ETV6: variants seen among roughly 807,000 people sequenced by gnomAD.
The protein encoded by ETV6 is transcription factor ETV6.
ETV6 carries 16 observed loss-of-function variants against 51.1 expected under a neutral mutation model. The observed-to-expected ratio is 0.31, with a 90% CI of 0.21 to 0.48. The LOEUF (loss-of-function observed/expected upper bound fraction) is 0.48, where lower values mean the gene tolerates loss of function less well. Among genes scored for constraint, ETV6 ranks in the 20% least tolerant of loss-of-function variants. ETV6 has a pLI of 0.99. For synonymous variants in ETV6, 240 were observed against 224.1 expected (o/e 1.07, Z -0.64); for missense variants, 458 against 594.8 (o/e 0.77, Z 2.39).
chr12:11,887,531 C>T (rs1002528588), intron 7 of ETV6, among the ~76,000 whole-genome samples: 7 of 152,154 alleles, frequency 4.6e-5, no homozygotes, highest in East Asian at 3.9e-4. Flanking sequence ...GGGCAGATCA[C>T]GAGGTCAAGA....
At chr12:11,728,283 G>A (rs1158067911) in intron 1 of ETV6, among the ~76,000 whole-genome samples, 1 of 152,174 alleles carries the variant, frequency 6.6e-6, no homozygotes, top group African/African-American at 2.4e-5. Context: ...CCTCCTGTAA[G>A]AACAGTTTAT....
chr12:11,752,749 T>A, intron 2 of ETV6, 170 bp downstream of exon 2: 1 of 701,642 alleles, frequency 1.4e-6, no homozygotes, highest in South Asian at 2.9e-5. Context: ...CTTTGAAAAA[T>A]TTGAGGTTCC....
intron 1 of ETV6, among the ~76,000 whole-genome samples, chr12:11,739,057 G>A (rs915062216): frequency 6.6e-6 from 1 of 152,060 alleles, no homozygotes; most frequent in African/African-American, 2.4e-5. Context: ...AGGGAAATTT[G>A]TTAGGTAATT....
intron 2 of ETV6, among the ~76,000 whole-genome samples, chr12:11,835,252 T>G (rs1946300073): frequency 1.3e-5 from 2 of 152,232 alleles, no homozygotes. Context: ...TCTCTGAAAC[T>G]AATTGGCATT....
chr12:11,654,637 A>C lies in ETV6; in HGVS notation c.33+4477A>C, dbSNP rs558757681. On this transcript the variant is annotated intron_variant, in intron 1 of 7. Coordinates refer to ENST00000396373, the MANE Select transcript of ETV6 (RefSeq NM_001987.5). ...CCACTGGGGTCTGGTCAGGTGTGAG[A>C]AGAGGAAGTAGTAGGAGGGAGGAGA... Among the ~76,000 whole-genome samples, 9 of 152,126 alleles carry C rather than the reference A, an allele frequency of 5.9e-5. 1 individual carries two copies. Among genetic ancestry groups the C allele is most frequent in the African/African-American group, 2.2e-4 (9 of 41,486 alleles).
intron 4 of ETV6, among the ~76,000 whole-genome samples, chr12:11,864,238 C>G (rs1358092884): frequency 6.6e-6 from 1 of 152,214 alleles, no homozygotes; most frequent in Non-Finnish European, 1.5e-5. Flanking sequence ...CTTCCTAAGG[C>G]CTGCCCTGAG....
intron 5 of ETV6, among the ~76,000 whole-genome samples, chr12:11,871,697 C>T (rs965894219): frequency 6.6e-6 from 1 of 152,138 alleles, no homozygotes; most frequent in Non-Finnish European, 1.5e-5. Context: ...CCATTCAAAA[C>T]GATCCTGCAG....
chr12:11,799,678 T>C (rs1319714729), intron 2 of ETV6, among the ~76,000 whole-genome samples: 1 of 152,224 alleles, frequency 6.6e-6, no homozygotes, highest in East Asian at 1.9e-4. Context: ...AATGAAGTCC[T>C]CGTTAATACC....
At position 11,759,161 on chromosome 12, in the gene ETV6, C is replaced by CTT. The variant is rs5796461; in HGVS notation, c.163+6592_163+6593dup. 2.8e-3 allele frequency among the ~76,000 whole-genome samples: 410 copies of CTT among 148,866 alleles called. 1 individual carries two copies. The highest frequency in any genetic ancestry group is 8.3e-3 in the African/African-American group (338 of 40,538). On this transcript the variant is annotated intron_variant, in intron 2 of 7. Coordinates refer to ENST00000396373, the MANE Select transcript of ETV6 (RefSeq NM_001987.5). ...AATAAATGCAGCTATTTATAGATGT[C>CTT]TTTTTTTTTTTAAGAAAAAAAATAT...
chr12:11,657,583 C>A (rs532231810), intron 1 of ETV6, among the ~76,000 whole-genome samples: 2 of 152,182 alleles, frequency 1.3e-5, no homozygotes, highest in Non-Finnish European at 2.9e-5. Context: ...AAAAGTACTC[C>A]CCCATGAAGA....
intron 1 of ETV6, among the ~76,000 whole-genome samples, chr12:11,679,845 G>T (rs1197825538): frequency 6.6e-6 from 1 of 152,096 alleles, no homozygotes; most frequent in Non-Finnish European, 1.5e-5. Flanking sequence ...ATTTCTGTAG[G>T]CATCCATCAG....
At chr12:11,857,374 A>C (rs1483215918) in intron 4 of ETV6, among the ~76,000 whole-genome samples, 1 of 152,182 alleles carries the variant, frequency 6.6e-6, no homozygotes, top group East Asian at 1.9e-4. Flanking sequence ...CATCATGCTA[A>C]TTCAAACTCT....
intron 1 of ETV6, chr12:11,751,698 G>A: frequency 2.7e-6 from 1 of 374,456 alleles, no homozygotes; most frequent in South Asian, 2.0e-5. Context: ...ACTTGATAAG[G>A]GGTCAAACAG....
chr12:11,665,629 C>T (rs150647876), intron 1 of ETV6, among the ~76,000 whole-genome samples: 25 of 152,288 alleles, frequency 1.6e-4, no homozygotes, highest in East Asian at 1.5e-3. Flanking sequence ...GCTTCTGTTA[C>T]GGACTTAATT....
intron 1 of ETV6, among the ~76,000 whole-genome samples, chr12:11,699,304 C>A (rs1382947728): frequency 6.6e-6 from 1 of 152,132 alleles, no homozygotes; most frequent in Non-Finnish European, 1.5e-5. Flanking sequence ...AACATGCAAA[C>A]TCTTCAAAAT....
intron 7 of ETV6, among the ~76,000 whole-genome samples, chr12:11,888,388 CT>C (rs1205975389): frequency 2.1e-5 from 1 of 47,366 alleles, no homozygotes; most frequent in African/African-American, 6.7e-5. Context: ...TTTTTCTTTT[CT>C]TTTCTTTTCT....
At chr12:11,824,577 G>A (rs1225952659) in intron 2 of ETV6, among the ~76,000 whole-genome samples, 3 of 152,160 alleles carry the variant, frequency 2.0e-5, no homozygotes, top group Non-Finnish European at 2.9e-5. Flanking sequence ...TCAGGAGTTC[G>A]AGACCAGCCT....
At chr12:11,859,000 G>A (rs1946671989) in intron 4 of ETV6, among the ~76,000 whole-genome samples, 1 of 152,012 alleles carries the variant, frequency 6.6e-6, no homozygotes, top group Middle Eastern at 3.4e-3. Flanking sequence ...GCTTTATTGA[G>A]GGGAATCGTA....
intron 2 of ETV6, among the ~76,000 whole-genome samples, chr12:11,780,796 T>C (rs1945403085): frequency 6.6e-6 from 1 of 152,252 alleles, no homozygotes; most frequent in South Asian, 2.1e-4. Flanking sequence ...ATGCGGTATG[T>C]GGATGCTGAG....
Sources: allele counts gnomAD v4.1 joint callset (sites outside exome capture counted in the v4.1 genomes callset), GRCh38; gene constraint gnomAD v4.1.1; transcripts MANE v1.5; gene names NCBI Gene and HGNC (gene_info 2026-07-23, HGNC 2026-07-21).